The following ERC2 variants were observed in gnomAD, a reference collection of about 807,000 sequenced individuals.
ERC2 encodes the protein ERC protein 2.
ERC2 carries 42 observed loss-of-function variants against 114.8 expected under a neutral mutation model. The ratio of observed to expected loss-of-function variants is 0.37; its 90% CI spans 0.29 to 0.47. The LOEUF (loss-of-function observed/expected upper bound fraction) is 0.47. Ranked by LOEUF, ERC2 falls within the 20% of genes least tolerant of loss-of-function variation. The pLI, the probability that ERC2 is intolerant of heterozygous loss-of-function variation, is 0.99. For synonymous variants in ERC2, 454 were observed against 425.5 expected (o/e 1.07, Z -0.82); for missense variants, 939 against 1,150.7 (o/e 0.82, Z 2.66).
intron 14 of ERC2, among the ~76,000 whole-genome samples, chr3:55,786,673 A>G (rs2069523633): frequency 6.6e-6 from 1 of 152,052 alleles, no homozygotes; most frequent in Non-Finnish European, 1.5e-5. Context: ...ACTCACATAA[A>G]CTCAACTCCG....
At chr3:55,521,147 C>T (rs1364534511) in intron 17 of ERC2, among the ~76,000 whole-genome samples, 1 of 152,206 alleles carries the variant, frequency 6.6e-6, no homozygotes, top group Non-Finnish European at 1.5e-5. Context: ...GGGCTGGTGA[C>T]TAATTAGGGG....
At chr3:55,619,656 A>T (rs1559752552) in intron 17 of ERC2, among the ~76,000 whole-genome samples, 1 of 152,194 alleles carries the variant, frequency 6.6e-6, no homozygotes, top group East Asian at 1.9e-4. Flanking sequence ...GACCCATCTG[A>T]TCTTCAGAAA....
chr3:56,456,988 G>A (rs945021460), intron 1 of ERC2, among the ~76,000 whole-genome samples: 1 of 152,152 alleles, frequency 6.6e-6, no homozygotes, highest in Non-Finnish European at 1.5e-5. Flanking sequence ...ACTATGCACG[G>A]GATATTGAAT....
At chr3:55,576,610 G>A (rs2056992935) in intron 17 of ERC2, among the ~76,000 whole-genome samples, 1 of 152,208 alleles carries the variant, frequency 6.6e-6, no homozygotes, top group Non-Finnish European at 1.5e-5. Context: ...GCAAAAGTAG[G>A]AACATGGCTT....
At chr3:56,189,044 A>T (rs1367872765) in intron 3 of ERC2, among the ~76,000 whole-genome samples, 1 of 151,776 alleles carries the variant, frequency 6.6e-6, no homozygotes, top group Non-Finnish European at 1.5e-5. Flanking sequence ...CACCAATCTT[A>T]TCCCCAGTTT....
intron 17 of ERC2, chr3:55,658,464 C>T (rs1392131800): frequency 6.6e-6 from 1 of 152,200 alleles, no homozygotes; most frequent in East Asian, 1.9e-4. Context: ...AAAGTGAACT[C>T]TGATTGGCTG....
At chr3:56,242,968 A>C (rs1042129581) in intron 3 of ERC2, among the ~76,000 whole-genome samples, 7 of 152,166 alleles carry the variant, frequency 4.6e-5, no homozygotes, top group African/African-American at 7.2e-5. Flanking sequence ...TATTCAGGCT[A>C]ATTTCCACTT....
intron 17 of ERC2, among the ~76,000 whole-genome samples, chr3:55,625,971 C>T (rs1483044971): frequency 6.6e-6 from 1 of 152,142 alleles, no homozygotes; most frequent in East Asian, 1.9e-4. Flanking sequence ...AAGAAGTACC[C>T]TATTATCTCA....
chr3:56,209,765 T>C (rs575599320), intron 3 of ERC2, among the ~76,000 whole-genome samples: 1 of 152,236 alleles, frequency 6.6e-6, no homozygotes, highest in East Asian at 1.9e-4. Context: ...ATCCTCCTCA[T>C]TTTTAACCTA....
chr3:55,856,862 A>G (rs1257829104), intron 14 of ERC2, among the ~76,000 whole-genome samples: 1 of 152,250 alleles, frequency 6.6e-6, no homozygotes, highest in Non-Finnish European at 1.5e-5. Context: ...AATACATGCT[A>G]CAACATGCAG....
intron 14 of ERC2, among the ~76,000 whole-genome samples, chr3:55,753,438 A>G (rs1208083793): frequency 1.3e-5 from 2 of 152,218 alleles, no homozygotes; most frequent in Admixed American, 1.3e-4. Flanking sequence ...AAGCATCTGG[A>G]AAACTGCAAA....
intron 4 of ERC2, among the ~76,000 whole-genome samples, chr3:56,157,888 AG>A (rs933585661): frequency 1.4e-4 from 22 of 152,138 alleles, no homozygotes; most frequent in Admixed American, 4.6e-4. Flanking sequence ...GAAACCTGAA[AG>A]GGGAAGTTCA....
intron 13 of ERC2, among the ~76,000 whole-genome samples, chr3:55,895,838 C>T (rs553088544): frequency 3.2e-4 from 49 of 152,284 alleles, no homozygotes; most frequent in African/African-American, 1.1e-3. Flanking sequence ...GGTCCCTTCG[C>T]CATCCTCAAC....
chr3:56,193,172 A>T (rs1429422940), intron 3 of ERC2, among the ~76,000 whole-genome samples: 1 of 152,166 alleles, frequency 6.6e-6, no homozygotes, highest in Non-Finnish European at 1.5e-5. Context: ...AACAGTGTGT[A>T]CTCCTTGTTT....
intron 17 of ERC2, among the ~76,000 whole-genome samples, chr3:55,655,764 A>G (rs2060831862): frequency 6.6e-6 from 1 of 152,180 alleles, no homozygotes; most frequent in Non-Finnish European, 1.5e-5. Context: ...ATACATAGAA[A>G]AGTATGTGGA....
intron 6 of ERC2, among the ~76,000 whole-genome samples, chr3:56,094,379 G>A (rs1383228655): frequency 6.6e-6 from 1 of 152,098 alleles, no homozygotes; most frequent in Non-Finnish European, 1.5e-5. Flanking sequence ...TGAAAACAGT[G>A]GAGCTTTCAG....
At chr3:55,528,873 T>A (rs1178396744) in intron 17 of ERC2, among the ~76,000 whole-genome samples, 1 of 151,940 alleles carries the variant, frequency 6.6e-6, no homozygotes, top group Non-Finnish European at 1.5e-5. Flanking sequence ...CCTTGCCAAA[T>A]GTCCCTGGGG....
At chr3:56,222,953 C>T (rs1432601434) in intron 3 of ERC2, among the ~76,000 whole-genome samples, 3 of 152,222 alleles carry the variant, frequency 2.0e-5, no homozygotes, top group Non-Finnish European at 4.4e-5. Context: ...TCGTTGGCTT[C>T]GTATTGAGAC....
rs943091364 is a variant in ERC2, at chr3:55,872,322, T to G, written c.2564+16067A>C. Among the ~76,000 whole-genome samples the G allele has an allele frequency of 2.0e-5, 3 of 152,080 alleles. No homozygotes were observed. In the South Asian group the frequency reaches 6.2e-4, roughly 32 times the overall value. ...GGGCTTGTGTGTTTCTCTCCACATA[T>G]CCGCATGGATGCCAGGCTTCCATGC... On this transcript the variant is annotated intron_variant, in intron 14 of 17. Coordinates refer to ENST00000288221, the MANE Select transcript of ERC2 (RefSeq NM_015576.3).
Sources: allele counts gnomAD v4.1 joint callset (sites outside exome capture counted in the v4.1 genomes callset), GRCh38; gene constraint gnomAD v4.1.1; transcripts MANE v1.5; gene names NCBI Gene and HGNC (gene_info 2026-07-23, HGNC 2026-07-21).